Variants in SARDH observed in about 807,000 individuals in gnomAD.
The protein encoded by SARDH is sarcosine dehydrogenase, also known as sarcosine dehydrogenase, mitochondrial.
A neutral mutation model predicts 109.1 loss-of-function variants in SARDH; 95 were observed. The observed-to-expected ratio is 0.87, with a 90% CI of 0.74 to 1.03. The LOEUF is 1.03. Among genes scored for constraint, SARDH ranks in the 50% least tolerant of loss-of-function variants. The pLI is 0.00. For synonymous variants in SARDH, 572 were observed against 534.8 expected (o/e 1.07, Z -0.96); for missense variants, 1,267 against 1,287.8 (o/e 0.98, Z 0.25).
rs772869184 is a variant in SARDH, at chr9:133,718,692, G to A, written c.1020+246C>T. On this transcript the variant is annotated intron_variant, in intron 7 of 20. Coordinates refer to ENST00000439388, the MANE Select transcript of SARDH (RefSeq NM_001134707.2). The surrounding 1 kb of genome is among the most constrained non-coding windows in gnomAD (Gnocchi z 4.2). The stretch of plus-strand genomic sequence containing the variant: ...TTCTGAGGTCATCACTCCACACTGC[G>A]CAGACCTTCTCTGTGGATGTTTTGA... The A allele has an allele frequency of 5.1e-6, 4 of 779,540 alleles. No individual in the cohort carries two copies. Among genetic ancestry groups the A allele is most frequent in the South Asian group, 2.7e-5 (2 of 74,626 alleles). The allele number at this position is 779,540 out of a possible 1,614,324, so 48.3% of individuals were successfully genotyped here. A position where few individuals can be genotyped will look rare whatever the true frequency, so the allele number is the denominator to read the frequency against.
intron 16 of SARDH, among the ~76,000 whole-genome samples, 188 bp downstream of exon 16, chr9:133,690,192 G>A (rs570755847): frequency 7.2e-5 from 11 of 152,314 alleles, no homozygotes; most frequent in Non-Finnish European, 1.5e-4. Flanking sequence ...AGTCTGACTC[G>A]TGTTACCGGC....
chr9:133,661,482 T>C (rs536172928), downstream of SARDH, among the ~76,000 whole-genome samples: 31 of 150,474 alleles, frequency 2.1e-4, no homozygotes, highest in South Asian at 6.1e-3. Flanking sequence ...AGGCACTTTC[T>C]TTTTTTTGTT....
intron 8 of SARDH, among the ~76,000 whole-genome samples, chr9:133,714,984 T>G (rs1832065765): frequency 6.6e-6 from 1 of 152,170 alleles, no homozygotes; most frequent in South Asian, 2.1e-4. Flanking sequence ...CACAAATGAC[T>G]CATGCGGGTT....
At position 133,666,647 on chromosome 9, in the gene SARDH, G is replaced by A. The variant is rs991439416; in HGVS notation, c.2631+88C>T. 6.1e-5 allele frequency: 92 copies of A among 1,508,940 alleles called. No individual in the cohort carries two copies. Among genetic ancestry groups the A allele is most frequent in the Middle Eastern group, 1.7e-4 (1 of 5,848 alleles). The allele number at this position is 1,508,940 out of a possible 1,614,324, so 93.5% of individuals were successfully genotyped here. A position where few individuals can be genotyped will look rare whatever the true frequency, so the allele number is the denominator to read the frequency against. On this transcript the variant is annotated intron_variant, in intron 20 of 20. Coordinates refer to ENST00000439388, the MANE Select transcript of SARDH (RefSeq NM_001134707.2). This position sits in a 1 kb window ranked among gnomAD's most constrained non-coding sequence, Gnocchi z 5.2. ...ACACCCGTGCCTCCTCCCTATGCCC[G>A]GCACACTCAGGGTGCAGTGCAGGGA...
At position 133,708,434 on chromosome 9, in the gene SARDH, G is replaced by A. The variant is rs112348999; in HGVS notation, c.1329-6C>T. The stretch of plus-strand genomic sequence containing the variant: ...TGAGCGAGTGATGGAAGCGCCTGCC[G>A]CAGACAGGGGGACGGGTCACTGCTT... On this transcript the variant is annotated splice_region_variant and splice_polypyrimidine_tract_variant and intron_variant, in intron 10 of 20. Transcript: ENST00000439388. 2.7e-4 allele frequency: 430 copies of A among 1,606,434 alleles called. 2 individuals carry two copies. Among genetic ancestry groups the A allele is most frequent in the African/African-American group, 1.4e-3 (103 of 74,910 alleles).
Position 133,685,189 on chromosome 9 carries a change from C to G in SARDH, c.2163+4G>C. Reference sequence around the variant, plus strand: ...CCCAGAGGACGTGGCCAGCTGGAACCTACCAGGTGCCCTGCGGCTCTCAGT... The same window carrying G: ...CCCAGAGGACGTGGCCAGCTGGAACGTACCAGGTGCCCTGCGGCTCTCAGT... On this transcript the variant is annotated splice_donor_region_variant and intron_variant, in intron 17 of 20. Transcript: ENST00000439388. 6.2e-7 allele frequency: 1 copy of G among 1,613,564 alleles called. No homozygotes were observed. Among genetic ancestry groups the G allele is most frequent in the African/African-American group, 1.3e-5 (1 of 75,034 alleles).
At chr9:133,702,187 G>T (rs142745330) in intron 13 of SARDH, among the ~76,000 whole-genome samples, 191 of 152,352 alleles carry the variant, frequency 1.3e-3, no homozygotes, top group African/African-American at 4.4e-3. Context: ...TTTACAACAC[G>T]ACTGGGCAGG....
chr9:133,730,228 C>T (rs763420817), intron 4 of SARDH, 41 bp from the exon 5 acceptor site: 3 of 1,607,100 alleles, frequency 1.9e-6, no homozygotes, highest in Non-Finnish European at 1.7e-6. Flanking sequence ...CCACGGGACT[C>T]CCCGGGGGTG....
chr9:133,716,477 C>A (rs1254757978), intron 8 of SARDH, among the ~76,000 whole-genome samples: 1 of 152,202 alleles, frequency 6.6e-6, no homozygotes, highest in Non-Finnish European at 1.5e-5. Context: ...CCAGAGAGTG[C>A]ACCTTTGCCA....
chr9:133,713,003 T>C, intron 9 of SARDH, 35 bp downstream of exon 9: 3 of 1,583,400 alleles, frequency 1.9e-6, no homozygotes, highest in South Asian at 1.1e-5. Flanking sequence ...AGGACCTCCC[T>C]CTTGGGGGCC....
At chr9:133,737,357 G>A (rs1832919020) in intron 1 of SARDH, among the ~76,000 whole-genome samples, 1 of 152,224 alleles carries the variant, frequency 6.6e-6, no homozygotes, top group Admixed American at 6.5e-5. Context: ...AGCCCTCAGT[G>A]TGTCAGCCCG....
chr9:133,732,448 A>G lies in SARDH; in HGVS notation c.485T>C (p.Leu162Pro). Reference protein sequence around the residue: ...GLFIASNRQRLDEYKRLMSLG... With the variant: ...GLFIASNRQRPDEYKRLMSLG... ...CGACATGAGCCTCTTGTACTCGTCC[A>G]GGCGCTGCCGGTTGGACGCGATGAA... Residue 162 changes from leucine (L) to proline (P), a missense_variant, in exon 3 of 21, where the codon CTG becomes CCG. By Grantham distance (98) the Leu-to-Pro change is moderately conservative. Transcript: ENST00000439388. 1 of 1,422,574 alleles carries G rather than the reference A, an allele frequency of 7.0e-7. No homozygotes were observed. The highest frequency in any genetic ancestry group is 9.4e-7 in the Non-Finnish European group (1 of 1,063,776). 88.1% of individuals were successfully genotyped at this position (1,422,574 alleles called of 1,614,324 possible).
intron 17 of SARDH, among the ~76,000 whole-genome samples, chr9:133,672,813 G>T (rs927252592): frequency 2.0e-5 from 3 of 152,240 alleles, no homozygotes; most frequent in African/African-American, 4.8e-5. Context: ...GATTGCCGTC[G>T]CAGACGGGCC....
At chr9:133,681,251 G>A (rs1464893225) in intron 17 of SARDH, among the ~76,000 whole-genome samples, 2 of 152,196 alleles carry the variant, frequency 1.3e-5, no homozygotes, top group African/African-American at 4.8e-5. Flanking sequence ...GCTGATGTGG[G>A]CTCCCGGCTC....
intron 6 of SARDH, among the ~76,000 whole-genome samples, chr9:133,721,693 A>G (rs1163620063): frequency 6.6e-6 from 1 of 152,216 alleles, no homozygotes; most frequent in Non-Finnish European, 1.5e-5. Flanking sequence ...AATAGTATCA[A>G]TAGTATCAAT....
chr9:133,735,650 T>C (rs532711440), intron 1 of SARDH, among the ~76,000 whole-genome samples: 1 of 152,302 alleles, frequency 6.6e-6, no homozygotes, highest in South Asian at 2.1e-4. Flanking sequence ...GTAGGGCCTT[T>C]CCCCTGGAGA....
chr9:133,682,191 C>T (rs930541986), intron 17 of SARDH, among the ~76,000 whole-genome samples: 4 of 152,090 alleles, frequency 2.6e-5, no homozygotes, highest in Admixed American at 1.3e-4. Context: ...GAGAGGTGGA[C>T]CCGGTGTGAA....
chr9:133,719,109 C>T (rs1045478030), intron 6 of SARDH, 67 bp from the exon 7 acceptor site: 19 of 1,360,624 alleles, frequency 1.4e-5, no homozygotes, highest in Non-Finnish European at 1.9e-5. Flanking sequence ...CCCCATGCCC[C>T]GTGGTGGGCC....
chr9:133,676,255 A>G (rs1004614006), intron 17 of SARDH, among the ~76,000 whole-genome samples: 1 of 152,244 alleles, frequency 6.6e-6, no homozygotes, highest in African/African-American at 2.4e-5. Flanking sequence ...GAAGGGAGCC[A>G]GTCACAGAAG....
Sources: allele counts gnomAD v4.1 joint callset (sites outside exome capture counted in the v4.1 genomes callset), GRCh38; gene constraint gnomAD v4.1.1; non-coding constraint Gnocchi (gnomAD v3.1); transcripts MANE v1.5; gene names NCBI Gene and HGNC (gene_info 2026-07-23, HGNC 2026-07-21).